Variants in PXDNL observed in about 807,000 individuals in gnomAD.
PXDNL encodes probable oxidoreductase PXDNL.
Under a neutral mutation model 150.8 loss-of-function variants are expected in PXDNL, and 145 were observed. The observed-to-expected ratio is 0.96, with a 90% CI of 0.84 to 1.10. PXDNL has a LOEUF of 1.10. PXDNL is among the 50% of genes least tolerant of loss of function. The probability of loss-of-function intolerance (pLI) is 0.00; values close to 1 mark genes in which losing one functional copy is unlikely to be tolerated. For missense variants in PXDNL, 2,087 were observed against 1,873.9 expected (o/e 1.11, Z -2.10); for synonymous variants, 757 against 725.7 (o/e 1.04, Z -0.69).
rs576713502 is a variant in PXDNL, at chr8:51,572,693, G to A, written c.309-15782C>T. 4.1e-5 allele frequency among the ~76,000 whole-genome samples: 6 copies of A among 145,820 alleles called. No homozygotes were observed. The South Asian group carries it at 1.3e-3, about 31-fold the overall frequency. ...GCTTAGTACTTAATGATATTAACAT[G>A]ATTAAAATGGCACATTTTATGTAAT... On this transcript the variant is annotated intron_variant, in intron 3 of 22. Coordinates refer to ENST00000356297, the MANE Select transcript of PXDNL (RefSeq NM_144651.5).
intron 1 of PXDNL, among the ~76,000 whole-genome samples, chr8:51,752,018 C>T (rs1251069511): frequency 2.0e-5 from 3 of 152,158 alleles, no homozygotes; most frequent in South Asian, 2.1e-4. Context: ...TGGAAATTAT[C>T]GCTAGACCAA....
chr8:51,376,422 T>C (rs1807310953), intron 17 of PXDNL, among the ~76,000 whole-genome samples: 1 of 152,246 alleles, frequency 6.6e-6, no homozygotes, highest in Non-Finnish European at 1.5e-5. Flanking sequence ...TGCTTGAATG[T>C]TTGAGTGCTG....
chr8:51,379,414 C>T (rs1807462891), intron 17 of PXDNL, among the ~76,000 whole-genome samples: 2 of 152,082 alleles, frequency 1.3e-5, no homozygotes, highest in South Asian at 2.1e-4. Flanking sequence ...CATTATGATT[C>T]TGGATCTTCC....
intron 1 of PXDNL, among the ~76,000 whole-genome samples, chr8:51,777,335 C>T (rs993597314): frequency 6.6e-6 from 1 of 152,198 alleles, no homozygotes; most frequent in African/African-American, 2.4e-5. Context: ...TGTGTCAATA[C>T]ACACCAAGTG....
intron 14 of PXDNL, among the ~76,000 whole-genome samples, chr8:51,420,512 A>G (rs1808919423): frequency 6.6e-6 from 1 of 152,186 alleles, no homozygotes; most frequent in African/African-American, 2.4e-5. Flanking sequence ...CTTTTCCCTC[A>G]TATTGACATA....
At chr8:51,403,109 AG>A (rs1389407209) in intron 17 of PXDNL, among the ~76,000 whole-genome samples, 2 of 151,688 alleles carry the variant, frequency 1.3e-5, no homozygotes, top group East Asian at 3.9e-4. Context: ...AAAAAGAAAA[AG>A]AAAAAGAAAA....
At chr8:51,625,562 G>GA (rs1311161927) in intron 2 of PXDNL, among the ~76,000 whole-genome samples, 3 of 152,132 alleles carry the variant, frequency 2.0e-5, no homozygotes, top group Admixed American at 2.0e-4. Context: ...TTCAGACTGT[G>GA]AAAAATATCA....
chr8:51,325,498 A>C (rs1338177147), intron 21 of PXDNL, among the ~76,000 whole-genome samples: 1 of 152,110 alleles, frequency 6.6e-6, no homozygotes, highest in East Asian at 1.9e-4. Flanking sequence ...GCCACCTCAT[A>C]ACCCTCCTGG....
At chr8:51,592,729 CA>C in intron 2 of PXDNL, 31 bp from the exon 3 acceptor site, 1 of 1,472,926 alleles carries the variant, frequency 6.8e-7, no homozygotes, top group Non-Finnish European at 9.2e-7. Flanking sequence ...AAATAATTCC[CA>C]AATGAGAAAC....
intron 1 of PXDNL, among the ~76,000 whole-genome samples, chr8:51,792,566 G>C (rs2037523484): frequency 1.3e-5 from 2 of 152,234 alleles, no homozygotes; most frequent in South Asian, 4.1e-4. Context: ...GCAGCTGCCT[G>C]CTGCCTAAGA....
rs1161042113 is a variant in PXDNL, at chr8:51,604,054, A to G, written c.237-11356T>C. On this transcript the variant is annotated intron_variant, in intron 2 of 22. Transcript: ENST00000356297. ...TAATTGCTTTAAGAAACCTTCCTCC[A>G]AAATTATAATAAAATTAGTTTGTTA... Among the ~76,000 whole-genome samples the G allele has an allele frequency of 5.9e-5, 9 of 152,208 alleles. 1 individual carries two copies. Among genetic ancestry groups the G allele is most frequent in the Non-Finnish European group, 8.8e-5 (6 of 68,042 alleles).
chr8:51,653,290 C>CT (rs1219573203), intron 2 of PXDNL, among the ~76,000 whole-genome samples: 6 of 152,178 alleles, frequency 3.9e-5, no homozygotes, highest in African/African-American at 1.4e-4. Flanking sequence ...TGGTGGCAGA[C>CT]ACCTGTAATC....
intron 1 of PXDNL, among the ~76,000 whole-genome samples, chr8:51,747,069 A>G (rs1398923715): frequency 6.6e-6 from 1 of 152,230 alleles, no homozygotes; most frequent in Admixed American, 6.5e-5. Context: ...ATTTTTAAGA[A>G]AAACAAAAAG....
intron 1 of PXDNL, among the ~76,000 whole-genome samples, chr8:51,784,090 C>A (rs536290450): frequency 6.6e-6 from 1 of 152,304 alleles, no homozygotes; most frequent in African/African-American, 2.4e-5. Context: ...TCAGAAATCT[C>A]TGCTCAACAT....
intron 2 of PXDNL, among the ~76,000 whole-genome samples, chr8:51,649,597 A>G (rs1303170268): frequency 6.6e-6 from 1 of 152,196 alleles, no homozygotes; most frequent in Non-Finnish European, 1.5e-5. Flanking sequence ...TTTACAATAA[A>G]GAGAAAATCC....
rs185576342 is a variant in PXDNL at position 51,435,297 on chromosome 8, G to C, written c.1526-8539C>G. Among the ~76,000 whole-genome samples, 563 of 152,110 alleles carry C rather than the reference G, an allele frequency of 3.7e-3. 1 individual carries two copies. The highest frequency in any genetic ancestry group is 3.9e-3 in the Non-Finnish European group (266 of 68,010). ...GATCACGCCACTGCACTCCAGCCTG[G>C]GTGATAGAGCGAGACTCTGTCTCAA... On this transcript the variant is annotated intron_variant, in intron 12 of 22. Coordinates refer to ENST00000356297, the MANE Select transcript of PXDNL (RefSeq NM_144651.5).
chr8:51,709,661 A>G lies in PXDNL; in HGVS notation c.165-54901T>C, dbSNP rs1281926861. Among the ~76,000 whole-genome samples, 5 of 152,356 alleles carry G rather than the reference A, an allele frequency of 3.3e-5. No individual in the cohort carries two copies. In the East Asian group the frequency reaches 9.6e-4, roughly 29 times the overall value. The stretch of plus-strand genomic sequence containing the variant: ...ATAATCAGTAAATTACTAAATTTCT[A>G]CAAAGAAATGAAGGATAAGTTAATT... On this transcript the variant is annotated intron_variant, in intron 1 of 22. Coordinates refer to ENST00000356297, the MANE Select transcript of PXDNL (RefSeq NM_144651.5).
intron 21 of PXDNL, 110 bp downstream of exon 21, chr8:51,339,514 T>C (rs976317090): frequency 8.7e-7 from 1 of 1,149,634 alleles, no homozygotes. Context: ...GTATAGGTTT[T>C]TATTATTCTG....
rs537014007 is a variant in PXDNL, at chr8:51,412,483, C to T, written c.1904+667G>A. Among the ~76,000 whole-genome samples, 5 of 152,220 alleles carry T rather than the reference C, an allele frequency of 3.3e-5. No individual in the cohort carries two copies. The East Asian group carries it at 5.8e-4, about 18-fold the overall frequency. ...AGAGAATATAAATCTAAATCGGCTG[C>T]GTGGTTCTAGAACACACATGCATGA... On this transcript the variant is annotated intron_variant, in intron 15 of 22. Coordinates refer to ENST00000356297, the MANE Select transcript of PXDNL (RefSeq NM_144651.5).
Sources: allele counts gnomAD v4.1 joint callset (sites outside exome capture counted in the v4.1 genomes callset), GRCh38; gene constraint gnomAD v4.1.1; transcripts MANE v1.5; gene names NCBI Gene and HGNC (gene_info 2026-07-23, HGNC 2026-07-21).